ERP44: variants seen among roughly 807,000 people sequenced by gnomAD.
The protein encoded by ERP44 is endoplasmic reticulum resident protein 44.
A neutral mutation model predicts 53.4 loss-of-function variants in ERP44; 25 were observed. That is an observed-to-expected ratio of 0.47 (90% CI 0.34 to 0.65). The LOEUF (loss-of-function observed/expected upper bound fraction) is 0.65, where lower values mean the gene tolerates loss of function less well. ERP44 is among the 30% of genes least tolerant of loss of function. The pLI is 0.01. For synonymous variants in ERP44, 145 were observed against 161.2 expected (o/e 0.90, Z 0.76); for missense variants, 338 against 493.2 (o/e 0.69, Z 2.98).
chr9:99,997,385 A>G (rs116207825), intron 10 of ERP44, among the ~76,000 whole-genome samples: 2,736 of 139,792 alleles, frequency 0.02, 90 homozygotes, highest in African/African-American at 0.072. Context: ...TTCCCTGATG[A>G]TCATTAGTGA....
intron 1 of ERP44, among the ~76,000 whole-genome samples, chr9:100,075,822 T>G (rs1477831377): frequency 6.6e-6 from 1 of 152,092 alleles, no homozygotes; most frequent in East Asian, 1.9e-4. Context: ...TCCAGCCCAT[T>G]TATCGAGTGA....
chr9:100,016,590 C>G lies in ERP44; in HGVS notation c.646-152G>C, dbSNP rs140675857. On this transcript the variant is annotated intron_variant, in intron 7 of 11. Coordinates refer to ENST00000262455, the MANE Select transcript of ERP44 (RefSeq NM_015051.3). ...GATCATGGCTCACTGCAGCCTTGAC[C>G]TCCTGGGCTCAAGCAATTCTCTTAC... is the stretch of plus-strand genomic sequence containing the variant. 8,568 of 1,156,988 alleles carry G rather than the reference C, an allele frequency of 7.4e-3. 52 individuals are homozygous for G. Among genetic ancestry groups the G allele is most frequent in the Non-Finnish European group, 8.1e-3 (7,131 of 876,880 alleles). 71.7% of individuals were successfully genotyped at this position (1,156,988 alleles called of 1,614,324 possible). A position where few individuals can be genotyped will look rare whatever the true frequency, so the allele number is the denominator to read the frequency against.
At chr9:99,989,572 C>T (rs1830232243) in intron 10 of ERP44, among the ~76,000 whole-genome samples, 1 of 152,138 alleles carries the variant, frequency 6.6e-6, no homozygotes. Flanking sequence ...GTAGATAAAA[C>T]CACAAAGATG....
Position 100,020,741 on chromosome 9 carries a change from A to G in ERP44, c.472-10T>C, listed in dbSNP as rs41273941. The G allele has an allele frequency of 0.024, 33,588 of 1,399,606 alleles. 479 individuals are homozygous for G. The highest frequency in any genetic ancestry group is 0.029 in the Non-Finnish European group (28,609 of 988,350). The allele number at this position is 1,399,606 out of a possible 1,614,324, so 86.7% of individuals were successfully genotyped here. ...TATTTCTTTTGCTGCGCTGTAAAATAAAGTATGCAATTATTTTGCAAACAT... is the reference window on the plus strand; with the variant it reads ...TATTTCTTTTGCTGCGCTGTAAAATGAAGTATGCAATTATTTTGCAAACAT... On this transcript the variant is annotated splice_polypyrimidine_tract_variant and intron_variant, in intron 5 of 11. Coordinates refer to ENST00000262455, the MANE Select transcript of ERP44 (RefSeq NM_015051.3).
intron 4 of ERP44, among the ~76,000 whole-genome samples, chr9:100,049,623 C>T (rs1322549410): frequency 6.6e-6 from 1 of 152,052 alleles, no homozygotes; most frequent in East Asian, 1.9e-4. Flanking sequence ...CAAGTTTTGA[C>T]AAGAATATGG....
At chr9:99,999,046 G>A (rs1209559722) in intron 10 of ERP44, 8 of 804,456 alleles carry the variant, frequency 9.9e-6, no homozygotes, top group South Asian at 4.3e-5. Context: ...GGTGAGGCCC[G>A]GGGCAGGAGG....
intron 4 of ERP44, among the ~76,000 whole-genome samples, chr9:100,041,498 T>G (rs113586347): frequency 0.035 from 5,359 of 152,002 alleles, 146 homozygotes; most frequent in Non-Finnish European, 0.054. Flanking sequence ...TGAAACCCCA[T>G]CTCTACCAAA....
intron 8 of ERP44, among the ~76,000 whole-genome samples, chr9:100,008,467 C>A (rs1830441102): frequency 6.6e-6 from 1 of 152,098 alleles, no homozygotes; most frequent in Non-Finnish European, 1.5e-5. Flanking sequence ...TTCTCCCCAA[C>A]AAATGCTAAG....
At chr9:100,058,014 C>T (rs1308490578) in intron 2 of ERP44, among the ~76,000 whole-genome samples, 155 bp from the exon 3 acceptor site, 1 of 152,110 alleles carries the variant, frequency 6.6e-6, no homozygotes, top group African/African-American at 2.4e-5. Flanking sequence ...TCATGGACAG[C>T]TTATATAATT....
intron 7 of ERP44, among the ~76,000 whole-genome samples, chr9:100,017,875 T>C (rs1830540441): frequency 6.6e-6 from 1 of 152,158 alleles, no homozygotes; most frequent in African/African-American, 2.4e-5. Context: ...CCCCAGAAGA[T>C]TTGGGAGTTT....
At chr9:100,004,850 C>T (rs1465788621) in intron 10 of ERP44, among the ~76,000 whole-genome samples, 1 of 152,158 alleles carries the variant, frequency 6.6e-6, no homozygotes, top group East Asian at 1.9e-4. Flanking sequence ...TTTCTGTCAT[C>T]TTGCTGATGT....
intron 10 of ERP44, among the ~76,000 whole-genome samples, chr9:100,005,970 T>C: frequency 6.6e-6 from 1 of 152,220 alleles, no homozygotes; most frequent in Non-Finnish European, 1.5e-5. Context: ...CATATATTAA[T>C]ACTATAAATA....
chr9:100,039,711 A>G (rs1825882475), intron 4 of ERP44, among the ~76,000 whole-genome samples: 1 of 152,116 alleles, frequency 6.6e-6, no homozygotes, highest in Non-Finnish European at 1.5e-5. Context: ...GAAAAAGACA[A>G]TACAAAAGCA....
intron 4 of ERP44, among the ~76,000 whole-genome samples, chr9:100,036,142 C>T (rs955926171): frequency 6.6e-6 from 1 of 152,190 alleles, no homozygotes; most frequent in African/African-American, 2.4e-5. Flanking sequence ...ACAGAACCAA[C>T]CTAGGTATCC....
At chr9:100,023,192 T>G (rs1830612995) in intron 4 of ERP44, among the ~76,000 whole-genome samples, 1 of 152,136 alleles carries the variant, frequency 6.6e-6, no homozygotes, top group Non-Finnish European at 1.5e-5. Context: ...GGAGAGACTA[T>G]GTCTTTGGGG....
In ERP44 at chr9:100,016,379, A is replaced by G. The variant is rs1452632535; in HGVS notation, c.705T>C (p.Asn235=). The change falls in exon 8 of 12, where the codon AAT becomes AAC. Residue 235 remains asparagine (N), a synonymous_variant. Transcript: ENST00000262455. ...GAMTNFDVTY[N]WIQDKCVPLV... is the part of the protein sequence containing the mutation. ...GAGGAACACATTTATCTTGAATCCA[A>G]TTGTAAGTCACATCAAAATTTGTCA... The G allele has an allele frequency of 1.9e-6, 3 of 1,612,646 alleles. No homozygotes were observed. Among genetic ancestry groups the G allele is most frequent in the Non-Finnish European group, 2.5e-6 (3 of 1,179,594 alleles).
intron 1 of ERP44, among the ~76,000 whole-genome samples, chr9:100,093,816 T>C (rs1375556987): frequency 2.6e-5 from 4 of 152,134 alleles, no homozygotes; most frequent in Non-Finnish European, 4.4e-5. Flanking sequence ...GACAGGCAAA[T>C]TAAAATACAT....
chr9:100,061,541 G>T (rs571806462), intron 1 of ERP44, among the ~76,000 whole-genome samples: 4 of 142,194 alleles, frequency 2.8e-5, no homozygotes, highest in African/African-American at 8.2e-5. Flanking sequence ...TATATTTATA[G>T]AAACGTATAT....
At chr9:100,043,291 A>AAAAAAAAAAAATAAAAAAAAAAAAAG (rs1168903331) in intron 4 of ERP44, among the ~76,000 whole-genome samples, 1 of 74,878 alleles carries the variant, frequency 1.3e-5, no homozygotes, top group Non-Finnish European at 2.3e-5. Flanking sequence ...AAAAAAAAAA[A>AAAAAAAAAAAATAAAAAAAAAAAAAG]GATAAATAAG....
Sources: allele counts gnomAD v4.1 joint callset (sites outside exome capture counted in the v4.1 genomes callset), GRCh38; gene constraint gnomAD v4.1.1; transcripts MANE v1.5; gene names NCBI Gene and HGNC (gene_info 2026-07-23, HGNC 2026-07-21).